The following SRGAP3 variants were observed in gnomAD, a reference collection of about 807,000 sequenced individuals.
The protein encoded by SRGAP3 is SLIT-ROBO Rho GTPase activating protein 3, also known as SLIT-ROBO Rho GTPase-activating protein 3.
A neutral mutation model predicts 121.1 loss-of-function variants in SRGAP3; 39 were observed. The observed-to-expected ratio is 0.32, with a 90% confidence interval of 0.25 to 0.42. The LOEUF is 0.42. Ranked by LOEUF, SRGAP3 falls within the 10% of genes least tolerant of loss-of-function variation. The pLI is 1.00. For synonymous variants in SRGAP3, 601 were observed against 570.0 expected (o/e 1.05, Z -0.77); for missense variants, 1,213 against 1,470.6 (o/e 0.82, Z 2.86).
intron 1 of SRGAP3, among the ~76,000 whole-genome samples, chr3:9,208,234 A>G (rs1329707536): frequency 6.6e-6 from 1 of 151,682 alleles, no homozygotes; most frequent in Non-Finnish European, 1.5e-5. Context: ...GGCCTTCCAT[A>G]TCTCCAGTCC....
upstream of SRGAP3, among the ~76,000 whole-genome samples, chr3:9,253,900 A>G (rs1954069602): frequency 6.6e-6 from 1 of 152,222 alleles, no homozygotes; most frequent in Non-Finnish European, 1.5e-5. Context: ...AAATACGTGG[A>G]TAAGCAGAGG....
Position 9,268,296 on chromosome 3 carries a change from G to GTCTCTCTCTCTC in SRGAP3, n.442+57702_442+57713dup, listed in dbSNP as rs71626912. ...TTATAAGAAGAGACCAGAGAGAAGA[G>GTCTCTCTCTCTC]TCTCTCTCTCTCTCTCTCTCTCTCT... On this transcript the variant is annotated intron_variant and non_coding_transcript_variant, in intron 3 of 3. Coordinates refer to the SRGAP3 transcript ENST00000490889. Among the ~76,000 whole-genome samples, 91 of 147,676 alleles carry GTCTCTCTCTCTC rather than the reference G, an allele frequency of 6.2e-4. 1 individual carries two copies. Among genetic ancestry groups the GTCTCTCTCTCTC allele is most frequent in the African/African-American group, 1.9e-3 (76 of 39,956 alleles).
At chr3:9,219,649 G>C (rs1952740178) in intron 1 of SRGAP3, 1 of 152,198 alleles carries the variant, frequency 6.6e-6, no homozygotes, top group African/African-American at 2.4e-5. Flanking sequence ...AGGAGATCAA[G>C]AGCATCCTGG....
rs1282777092 is a variant in SRGAP3, at chr3:9,239,512, G to A, written c.67+9373C>T. Among the ~76,000 whole-genome samples the A allele has an allele frequency of 2.0e-5, 3 of 152,184 alleles. No individual in the cohort carries two copies. The East Asian group carries it at 5.8e-4, about 29-fold the overall frequency. The stretch of plus-strand genomic sequence containing the variant: ...GGCACAAGGGAACATGGGCTTCTCT[G>A]TGTTCATCTGTGCCATTATCACCTA... On this transcript the variant is annotated intron_variant, in intron 1 of 21. Transcript: ENST00000383836. This position sits in a 1 kb window ranked among gnomAD's most constrained non-coding sequence, Gnocchi z 4.0.
chr3:9,266,270 T>A (rs967086055), intron 3 of SRGAP3, among the ~76,000 whole-genome samples: 4 of 152,004 alleles, frequency 2.6e-5, no homozygotes, highest in African/African-American at 9.7e-5. Flanking sequence ...ATACCTAATG[T>A]AGATGACAGG....
rs777069394 is a variant in SRGAP3 at position 9,285,519 on chromosome 3, T to C, written n.442+40491A>G. ...GTCCTCATCTCTGAAGACACAGGGA[T>C]GCAGAAAAGAATCTGAACAAACAGG... is the stretch of plus-strand genomic sequence containing the variant. On this transcript the variant is annotated intron_variant and non_coding_transcript_variant, in intron 3 of 3. Transcript: ENST00000490889. Among the ~76,000 whole-genome samples the C allele has an allele frequency of 1.3e-4, 20 of 152,206 alleles. 1 individual carries two copies. Among genetic ancestry groups the C allele is most frequent in the South Asian group, 6.2e-4 (3 of 4,832 alleles).
chr3:9,183,949 T>C (rs950234748), intron 1 of SRGAP3, among the ~76,000 whole-genome samples: 7 of 151,770 alleles, frequency 4.6e-5, no homozygotes, highest in Non-Finnish European at 8.8e-5. Context: ...ACTCCAGCCC[T>C]TCCCGGTTCT....
chr3:9,280,860 G>A (rs1308782169), intron 3 of SRGAP3, among the ~76,000 whole-genome samples: 1 of 152,162 alleles, frequency 6.6e-6, no homozygotes, highest in Non-Finnish European at 1.5e-5. Flanking sequence ...TAGTAACTAT[G>A]GCAACGCAAG....
Position 9,006,372 on chromosome 3 carries a change from C to A in SRGAP3, c.2227+3936G>T, listed in dbSNP as rs1050211741. Among the ~76,000 whole-genome samples, 98 of 149,652 alleles carry A rather than the reference C, an allele frequency of 6.5e-4. 1 individual carries two copies. Among genetic ancestry groups the A allele is most frequent in the Non-Finnish European group, 2.5e-4 (17 of 67,642 alleles). Reference sequence around the variant, plus strand: ...CCGAGATCACACCACTTTACTACAGCCTGGCAACAGAGCGAGACTCTGTCT... The same window carrying A: ...CCGAGATCACACCACTTTACTACAGACTGGCAACAGAGCGAGACTCTGTCT... On this transcript the variant is annotated intron_variant, in intron 18 of 21. Coordinates refer to ENST00000383836, the MANE Select transcript of SRGAP3 (RefSeq NM_014850.4).
At chr3:9,115,641 TA>T (rs35284707) in intron 2 of SRGAP3, among the ~76,000 whole-genome samples, 10,325 of 150,272 alleles carry the variant, frequency 0.069, 412 homozygotes, top group African/African-American at 0.083. Context: ...TCCCCTCATT[TA>T]AAAAAAAAAT....
At chr3:9,338,344 G>T (rs1955727219) in intron 1 of SRGAP3, among the ~76,000 whole-genome samples, 1 of 152,214 alleles carries the variant, frequency 6.6e-6, no homozygotes, top group Admixed American at 6.5e-5. Context: ...GGAAAGGCTG[G>T]TTCAGGGGCA....
intron 10 of SRGAP3, among the ~76,000 whole-genome samples, chr3:9,040,137 T>C (rs1944949355): frequency 6.6e-6 from 1 of 152,220 alleles, no homozygotes; most frequent in African/African-American, 2.4e-5. Context: ...CTGGACGACT[T>C]TCTTTTTAAC....
At chr3:9,130,060 CCTA>C (rs1202325827) in intron 1 of SRGAP3, among the ~76,000 whole-genome samples, 3 of 152,126 alleles carry the variant, frequency 2.0e-5, no homozygotes, top group African/African-American at 4.8e-5. Context: ...CCACGCCCAG[CCTA>C]CTATTTCCCT....
At chr3:9,241,850 G>C (rs1218152409) in intron 1 of SRGAP3, among the ~76,000 whole-genome samples, 1 of 152,056 alleles carries the variant, frequency 6.6e-6, no homozygotes, top group African/African-American at 2.4e-5. Context: ...GCCAAGACGG[G>C]TGGATTGCTT....
At chr3:9,080,672 A>G (rs1248013167) in intron 3 of SRGAP3, among the ~76,000 whole-genome samples, 1 of 152,172 alleles carries the variant, frequency 6.6e-6, no homozygotes, top group Non-Finnish European at 1.5e-5. Context: ...GCGGTGGGTG[A>G]GCGGGCATTA....
At chr3:9,199,851 G>A (rs1952020266) in intron 1 of SRGAP3, among the ~76,000 whole-genome samples, 1 of 152,142 alleles carries the variant, frequency 6.6e-6, no homozygotes, top group Non-Finnish European at 1.5e-5. Context: ...CAAACACATG[G>A]TCTCTGTCCC....
At chr3:9,067,342 T>C (rs1429506138) in intron 4 of SRGAP3, among the ~76,000 whole-genome samples, 2 of 152,128 alleles carry the variant, frequency 1.3e-5, no homozygotes, top group Non-Finnish European at 2.9e-5. Context: ...GGATTTAAAA[T>C]GCAGTCAACT....
intron 3 of SRGAP3, among the ~76,000 whole-genome samples, chr3:9,081,006 G>C (rs149473343): frequency 6.6e-4 from 101 of 152,218 alleles, no homozygotes; most frequent in African/African-American, 2.3e-3. Flanking sequence ...GCCCCACCCT[G>C]GTCCATGGAA....
chr3:9,247,957 A>T (rs1280759194), intron 1 of SRGAP3, among the ~76,000 whole-genome samples: 1 of 152,252 alleles, frequency 6.6e-6, no homozygotes, highest in Non-Finnish European at 1.5e-5. Flanking sequence ...GTCTGGCCTG[A>T]ATGAGGATGC....
Sources: gnomAD v4.1 joint callset for allele counts (sites outside exome capture counted in the v4.1 genomes callset) on GRCh38, gnomAD v4.1.1 for gene constraint, Gnocchi (gnomAD v3.1) non-coding constraint, MANE v1.5 for transcripts, NCBI Gene and HGNC (gene_info 2026-07-23, HGNC 2026-07-21) for gene names.